Variants in CCDC15 observed in about 807,000 individuals in gnomAD.
CCDC15 encodes coiled-coil domain containing 15, also known as coiled-coil domain-containing protein 15.
In CCDC15, 105 loss-of-function variants were observed where a neutral mutation model predicts 114.5. That is an observed-to-expected ratio of 0.92 (90% CI 0.78 to 1.08). The LOEUF (loss-of-function observed/expected upper bound fraction) is 1.08, where lower values mean the gene tolerates loss of function less well. Ranked by LOEUF, CCDC15 falls within the 50% of genes least tolerant of loss-of-function variation. CCDC15 has a pLI of 0.00. For missense variants in CCDC15, 1,105 were observed against 1,093.6 expected (o/e 1.01, Z -0.15); for synonymous variants, 334 against 377.8 (o/e 0.88, Z 1.34).
chr11:124,987,969 G>C lies in CCDC15; in HGVS notation c.1743G>C (p.Gln581His), dbSNP rs751001834. The C allele has an allele frequency of 5.0e-6, 8 of 1,613,654 alleles. No homozygotes were observed. Among genetic ancestry groups the C allele is most frequent in the Non-Finnish European group, 2.5e-6 (3 of 1,179,856 alleles). ...ACCAAAATATTCTACCCATATGTCA[G>C]GACCAGGATTTTCTACCCAGAGACC... ...PKDQNILPICQDQDFLPRDQG... is the reference protein window; with the variant it reads ...PKDQNILPICHDQDFLPRDQG... Residue 581 changes from glutamine to histidine, a missense_variant, in exon 8 of 16, where the codon CAG (glutamine) becomes CAC (histidine). Gln to His is a conservative substitution (Grantham distance 24, BLOSUM62 0). Coordinates refer to ENST00000344762, the MANE Select transcript of CCDC15 (RefSeq NM_025004.3).
intron 8 of CCDC15, among the ~76,000 whole-genome samples, chr11:124,989,485 C>T (rs1948233592): frequency 2.0e-5 from 3 of 152,200 alleles, no homozygotes; most frequent in Admixed American, 6.5e-5. Flanking sequence ...GCTGCATTAG[C>T]CACTAACAAG....
At chr11:124,986,322 G>A (rs2135480649) in intron 6 of CCDC15, among the ~76,000 whole-genome samples, 1 of 152,230 alleles carries the variant, frequency 6.6e-6, no homozygotes, top group East Asian at 1.9e-4. Context: ...AAAGTGTTTT[G>A]CTACTATGGG....
intron 13 of CCDC15, among the ~76,000 whole-genome samples, chr11:125,009,668 T>C (rs1486482548): frequency 6.6e-6 from 1 of 152,152 alleles, no homozygotes; most frequent in Admixed American, 6.5e-5. Flanking sequence ...TCCCTCCCTC[T>C]AGTAGTCTTC....
chr11:124,984,476 CG>C, intron 6 of CCDC15, among the ~76,000 whole-genome samples: 2 of 152,240 alleles, frequency 1.3e-5, no homozygotes, highest in African/African-American at 4.8e-5. Context: ...TGTTCACGTC[CG>C]ACAGTTCCCC....
intron 4 of CCDC15, among the ~76,000 whole-genome samples, chr11:124,967,824 A>T (rs12283057): frequency 2.7e-5 from 4 of 148,806 alleles, no homozygotes; most frequent in East Asian, 2.0e-4. Context: ...TTTGGTGTGG[A>T]TGTCCTTTTT....
chr11:125,022,650 G>C (rs1948669045), intron 13 of CCDC15, among the ~76,000 whole-genome samples: 1 of 151,798 alleles, frequency 6.6e-6, no homozygotes, highest in Non-Finnish European at 1.5e-5. Flanking sequence ...TAACAAAATG[G>C]AAGGCTATAA....
At chr11:124,998,043 G>C (rs1948405405) in intron 11 of CCDC15, among the ~76,000 whole-genome samples, 1 of 152,190 alleles carries the variant, frequency 6.6e-6, no homozygotes, top group South Asian at 2.1e-4. Context: ...GTGGTAGGAA[G>C]CTTAGCCAAA....
chr11:124,986,568 A>G (rs1232220425), intron 6 of CCDC15, among the ~76,000 whole-genome samples, 174 bp from the exon 7 acceptor site: 2 of 152,304 alleles, frequency 1.3e-5, no homozygotes, highest in East Asian at 3.9e-4. Flanking sequence ...ATTGTATAAC[A>G]TTTGACTATG....
chr11:124,958,985 T>A (rs1257442743), intron 2 of CCDC15, 130 bp from the exon 3 acceptor site: 1 of 561,640 alleles, frequency 1.8e-6, no homozygotes, highest in Non-Finnish European at 2.9e-6. Context: ...TACATTCCAT[T>A]TTTTTTTGTA....
intron 13 of CCDC15, among the ~76,000 whole-genome samples, chr11:125,012,821 G>A (rs117378043): frequency 1.8e-4 from 27 of 152,126 alleles, no homozygotes; most frequent in Admixed American, 5.9e-4. Flanking sequence ...TACATGCCAG[G>A]GACTGTTCTA....
chr11:125,030,472 G>T (rs1364961286), intron 13 of CCDC15, among the ~76,000 whole-genome samples: 1 of 152,160 alleles, frequency 6.6e-6, no homozygotes, highest in Non-Finnish European at 1.5e-5. Flanking sequence ...GGTGGATAAG[G>T]CATTCTGTGA....
intron 4 of CCDC15, among the ~76,000 whole-genome samples, chr11:124,961,162 A>G (rs892996717): frequency 6.6e-6 from 1 of 152,362 alleles, no homozygotes; most frequent in Non-Finnish European, 1.5e-5. Flanking sequence ...CTTAAGACAG[A>G]CACAGTCCTT....
intron 6 of CCDC15, among the ~76,000 whole-genome samples, chr11:124,983,640 AC>A: frequency 6.6e-6 from 1 of 151,790 alleles, no homozygotes; most frequent in Non-Finnish European, 1.5e-5. Context: ...AAGGTTAGGA[AC>A]CTGCCACACT....
At chr11:124,982,812 A>G (rs1185743458) in intron 6 of CCDC15, among the ~76,000 whole-genome samples, 1 of 152,140 alleles carries the variant, frequency 6.6e-6, no homozygotes, top group African/African-American at 2.4e-5. Flanking sequence ...GGTTCTCTGC[A>G]TTTCCTGAAT....
chr11:124,988,043 G>A lies in CCDC15; in HGVS notation c.1817G>A (p.Arg606Gln), dbSNP rs866316131. 1.1e-5 allele frequency: 17 copies of A among 1,607,866 alleles called. No individual in the cohort carries two copies. Among genetic ancestry groups the A allele is most frequent in the African/African-American group, 2.7e-5 (2 of 73,284 alleles). ...DQNILPICQDRDFLPRDLHVL... is the reference protein window; with the variant it reads ...DQNILPICQDQDFLPRDLHVL... Reference sequence around the variant, plus strand: ...AATATTCTACCCATATGTCAGGACCGGGATTTTCTACCCAGAGACCTGCAT... The same window carrying A: ...AATATTCTACCCATATGTCAGGACCAGGATTTTCTACCCAGAGACCTGCAT... The change falls in exon 8 of 16, where the codon CGG becomes CAG. Residue 606 changes from arginine (R) to glutamine (Q), a missense_variant. Coordinates refer to ENST00000344762, the MANE Select transcript of CCDC15 (RefSeq NM_025004.3).
chr11:125,003,577 AG>A (rs1411746131), intron 11 of CCDC15, among the ~76,000 whole-genome samples: 1 of 152,038 alleles, frequency 6.6e-6, no homozygotes, highest in Admixed American at 6.6e-5. Context: ...AGTGATTTCA[AG>A]TGACCACTTT....
chr11:125,022,529 T>C (rs1948668107), intron 13 of CCDC15, among the ~76,000 whole-genome samples: 5 of 151,978 alleles, frequency 3.3e-5, no homozygotes, highest in Admixed American at 3.3e-4. Flanking sequence ...GCTGTCAGAA[T>C]CTGGACAGAC....
rs878887902 is a variant in CCDC15 at position 124,986,700 on chromosome 11, T to TGTGCGCGC, written c.754-41_754-40insTGCGCGCG. ...GTGTGTGTGTGTGTGTTTGTGTGTG[T>TGTGCGCGC]GCGCGCGCGCGCGTGCGCGTTTTCA... On this transcript the variant is annotated intron_variant, in intron 6 of 15. Transcript: ENST00000344762. The TGTGCGCGC allele has an allele frequency of 1.6e-4, 211 of 1,352,974 alleles. No individual in the cohort carries two copies. In the African/African-American group the frequency reaches 2.5e-3, roughly 16 times the overall value. 83.8% of individuals were successfully genotyped at this position (1,352,974 alleles called of 1,614,324 possible). A position where few individuals can be genotyped will look rare whatever the true frequency, so the allele number is the denominator to read the frequency against.
rs146099487 is a variant in CCDC15, at chr11:124,980,695, A to G, written c.753+3095A>G. 1.2e-4 allele frequency among the ~76,000 whole-genome samples: 19 copies of G among 152,116 alleles called. No individual in the cohort carries two copies. In the East Asian group the frequency reaches 3.5e-3, roughly 28 times the overall value. ...AATCTAGCTAGTGCTCTGTCTTATT[A>G]ATTCTTTCAAAAGACCAGTTCCTGG... On this transcript the variant is annotated intron_variant, in intron 6 of 15. Coordinates refer to ENST00000344762, the MANE Select transcript of CCDC15 (RefSeq NM_025004.3).
Sources: gnomAD v4.1 joint callset for allele counts (sites outside exome capture counted in the v4.1 genomes callset) on GRCh38, gnomAD v4.1.1 for gene constraint, MANE v1.5 for transcripts, NCBI Gene and HGNC (gene_info 2026-07-23, HGNC 2026-07-21) for gene names.